HMGA2: variants seen among roughly 807,000 people sequenced by gnomAD.
HMGA2 encodes high mobility group AT-hook 2, also known as high mobility group protein HMGI-C.
Under a neutral mutation model 19.1 loss-of-function variants are expected in HMGA2, and 8 were observed. That is an observed-to-expected ratio of 0.42 (90% confidence interval 0.25 to 0.76). The LOEUF (loss-of-function observed/expected upper bound fraction) is 0.76. Among genes scored for constraint, HMGA2 ranks in the 30% least tolerant of loss-of-function variants. The pLI is 0.28. For synonymous variants in HMGA2, 60 were observed against 48.8 expected, an observed-to-expected ratio of 1.23 and a Z score of -0.96; for missense variants, 109 against 136.3, an observed-to-expected ratio of 0.80 and a Z score of 1.00.
chr12:65,874,742 C>G (rs1872891303), intron 3 of HMGA2, among the ~76,000 whole-genome samples: 1 of 152,178 alleles, frequency 6.6e-6, no homozygotes, highest in Non-Finnish European at 1.5e-5. Flanking sequence ...ATTTGTTTTT[C>G]TGTATGTATA....
chr12:65,900,736 T>G (rs1592432380), intron 3 of HMGA2, among the ~76,000 whole-genome samples: 1 of 152,140 alleles, frequency 6.6e-6, no homozygotes, highest in East Asian at 1.9e-4. Context: ...GAACACTCAC[T>G]CAATTCGGTT....
chr12:65,851,992 G>A (rs1871495890), intron 3 of HMGA2, among the ~76,000 whole-genome samples: 1 of 151,804 alleles, frequency 6.6e-6, no homozygotes, highest in Non-Finnish European at 1.5e-5. Flanking sequence ...GTTGTGGTCA[G>A]AATAATATAA....
At chr12:65,955,364 T>TA (rs1391477583) in intron 4 of HMGA2, 2 of 152,216 alleles carry the variant, frequency 1.3e-5, no homozygotes, top group African/African-American at 2.4e-5. Context: ...GGTGCTTTGT[T>TA]ACTCAAGTTT....
At chr12:65,960,091 G>A (rs568794679) in intron 4 of HMGA2, among the ~76,000 whole-genome samples, 51 of 152,110 alleles carry the variant, frequency 3.4e-4, no homozygotes, top group African/African-American at 1.0e-3. Context: ...GGGTTTCACC[G>A]TGTTAGCCAG....
intron 3 of HMGA2, among the ~76,000 whole-genome samples, chr12:65,875,589 ATTTTTTTTTT>A (rs71096056): frequency 0.012 from 315 of 26,064 alleles, 1 homozygote; most frequent in East Asian, 0.037. Flanking sequence ...GTGCCCGGCT[ATTTTTTTTTT>A]TTTTTTTTTT....
intron 3 of HMGA2, chr12:65,942,557 A>AT (rs1876126351): frequency 6.6e-6 from 1 of 152,110 alleles, no homozygotes; most frequent in African/African-American, 2.4e-5. Context: ...CTAAGGGTGG[A>AT]TTTTTCCCCT....
intron 3 of HMGA2, among the ~76,000 whole-genome samples, chr12:65,877,763 GGAT>G (rs971230819): frequency 2.6e-5 from 4 of 151,836 alleles, no homozygotes; most frequent in African/African-American, 9.7e-5. Flanking sequence ...ATGGAGCAAT[GGAT>G]GACCTGCCTG....
At position 65,950,173 on chromosome 12, in the gene HMGA2, A is replaced by T. The variant is rs1387502034; in HGVS notation, c.250-1210A>T. On this transcript the variant is annotated intron_variant, in intron 3 of 4. Transcript: ENST00000403681. ...CAGCTCCTCAAAAAGTGAAACAAAG[A>T]ATTACAATATGAACCAGCGATTCCA... Among the ~76,000 whole-genome samples, 6 of 152,224 alleles carry T rather than the reference A, an allele frequency of 3.9e-5. No homozygotes were observed. The East Asian group carries it at 1.2e-3, about 29-fold the overall frequency.
intron 3 of HMGA2, among the ~76,000 whole-genome samples, chr12:65,909,919 C>A (rs529424331): frequency 1.3e-5 from 2 of 152,214 alleles, no homozygotes; most frequent in African/African-American, 4.8e-5. Context: ...ATTTGGCTCA[C>A]GTAGTCCTCT....
At chr12:65,851,661 A>AAACAAC in intron 3 of HMGA2, 2 of 445,046 alleles carry the variant, frequency 4.5e-6, no homozygotes, top group South Asian at 3.2e-5. Flanking sequence ...CTCTGTCTCA[A>AAACAAC]AACAACAACA....
chr12:65,901,204 TATTGAGAAC>T, intron 3 of HMGA2, among the ~76,000 whole-genome samples: 6 of 152,324 alleles, frequency 3.9e-5, no homozygotes, highest in African/African-American at 1.4e-4. Flanking sequence ...TTTAAAAAAT[TATTGAGAAC>T]ATTTTAATAA....
At chr12:65,962,312 C>T (rs1367269674) in intron 4 of HMGA2, among the ~76,000 whole-genome samples, 1 of 152,206 alleles carries the variant, frequency 6.6e-6, no homozygotes, top group Non-Finnish European at 1.5e-5. Context: ...AACTTTGCGG[C>T]TCAAGCCGGC....
intron 3 of HMGA2, among the ~76,000 whole-genome samples, chr12:65,902,705 A>G (rs769549250): frequency 1.3e-5 from 2 of 152,174 alleles, no homozygotes; most frequent in Non-Finnish European, 2.9e-5. Flanking sequence ...ATGTTTTGGT[A>G]TCTTTTTACA....
chr12:65,887,438 T>C (rs527745667), intron 3 of HMGA2, among the ~76,000 whole-genome samples: 2 of 152,012 alleles, frequency 1.3e-5, no homozygotes, highest in African/African-American at 4.8e-5. Flanking sequence ...AATATGAAAA[T>C]TAGCCTGGTG....
chr12:65,833,922 G>C (rs1870588169), intron 2 of HMGA2, among the ~76,000 whole-genome samples: 1 of 152,136 alleles, frequency 6.6e-6, no homozygotes, highest in South Asian at 2.1e-4. Flanking sequence ...TTAAAATAAG[G>C]GGAGGGAAAA....
At chr12:65,909,679 C>T (rs1188196068) in intron 3 of HMGA2, among the ~76,000 whole-genome samples, 1 of 152,194 alleles carries the variant, frequency 6.6e-6, no homozygotes, top group African/African-American at 2.4e-5. Context: ...AAGCCTCAAA[C>T]CTGATGTCTT....
In HMGA2 at chr12:65,966,099, C is replaced by T. The variant is rs188648596; in HGVS notation, c.*2807C>T. The T allele has an allele frequency of 9.3e-6, 2 of 214,252 alleles. No homozygotes were observed. Among genetic ancestry groups the T allele is most frequent in the African/African-American group, 2.3e-5 (1 of 44,288 alleles). The allele number at this position is 214,252 out of a possible 1,614,324, so 13.3% of individuals were successfully genotyped here. On this transcript the variant is annotated 3_prime_UTR_variant, in exon 5 of 5. Transcript: ENST00000403681. ...CCTTTGAGTGTCTTCTAACTTTATT[C>T]TTTGTTCTTTATGTAGAATTGCTGT...
At chr12:65,912,520 A>G (rs555066084) in intron 3 of HMGA2, among the ~76,000 whole-genome samples, 6 of 152,118 alleles carry the variant, frequency 3.9e-5, no homozygotes, top group Non-Finnish European at 8.8e-5. Flanking sequence ...CAATCTGTAG[A>G]GTGTCAGGGG....
intron 3 of HMGA2, among the ~76,000 whole-genome samples, chr12:65,845,538 G>A (rs1030146108): frequency 2.0e-4 from 30 of 152,042 alleles, no homozygotes; most frequent in Admixed American, 5.2e-4. Context: ...AAAAGTGTTG[G>A]GATTACAGGC....
Sources: allele counts gnomAD v4.1 joint callset (sites outside exome capture counted in the v4.1 genomes callset), GRCh38; gene constraint gnomAD v4.1.1; transcripts MANE v1.5; gene names NCBI Gene and HGNC (gene_info 2026-07-23, HGNC 2026-07-21).